PPP2CA: variants seen among roughly 807,000 people sequenced by gnomAD.
PPP2CA encodes the protein serine/threonine-protein phosphatase 2A catalytic subunit alpha isoform.
PPP2CA carries 5 observed loss-of-function variants against 38.8 expected under a neutral mutation model. That is an observed-to-expected ratio of 0.13 (90% CI 0.07 to 0.27). The LOEUF is 0.27. Ranked by LOEUF, PPP2CA falls within the 10% of genes least tolerant of loss-of-function variation. The pLI is 1.00. For synonymous variants in PPP2CA, 152 were observed against 134.0 expected (o/e 1.13, Z -0.93); for missense variants, 88 against 389.7 (o/e 0.23, Z 6.52).
chr5:134,209,647 G>A (rs539135545), intron 1 of PPP2CA, among the ~76,000 whole-genome samples: 3 of 152,202 alleles, frequency 2.0e-5, no homozygotes, highest in East Asian at 3.9e-4. Flanking sequence ...GTGTTGTGGT[G>A]TAGGCCCGTA....
Position 134,201,021 on chromosome 5 carries a change from G to T in PPP2CA, c.540C>A (p.Ile180=). 1 of 1,612,878 alleles carries T rather than the reference G, an allele frequency of 6.2e-7. No homozygotes were observed. The highest frequency in any genetic ancestry group is 1.1e-5 in the South Asian group (1 of 91,062). ...LSPSIDTLDH[I]RALDRLQEVP... ...CTTCTTGTAGGCGATCAAGTGCTCT[G>T]ATATGATCCAGTGTATCTATAGATG... Residue 180 remains isoleucine (I), a synonymous_variant, in exon 4 of 7, where the codon ATC becomes ATA. Transcript: ENST00000481195.
At chr5:134,224,366 C>G (rs1439236781) in intron 1 of PPP2CA, 1 of 445,334 alleles carries the variant, frequency 2.2e-6, no homozygotes, top group Non-Finnish European at 4.5e-6. Flanking sequence ...TAGTTTTGTT[C>G]AGGCTTGGGA....
At chr5:134,197,919 T>C in intron 6 of PPP2CA, 75 bp from the exon 7 acceptor site, 1 of 1,253,908 alleles carries the variant, frequency 8.0e-7, no homozygotes, top group South Asian at 1.2e-5. Flanking sequence ...AGAACATGAG[T>C]CTTCCAAACT....
At chr5:134,224,061 G>A (rs928543653) in intron 1 of PPP2CA, among the ~76,000 whole-genome samples, 7 of 152,162 alleles carry the variant, frequency 4.6e-5, no homozygotes, top group African/African-American at 1.7e-4. Context: ...TTCCAGTTAC[G>A]TCATTACCTC....
At chr5:134,201,724 C>T (rs1354068435) in intron 3 of PPP2CA, 124 bp downstream of exon 3, 26 of 1,057,906 alleles carry the variant, frequency 2.5e-5, no homozygotes, top group Non-Finnish European at 3.4e-5. Context: ...TGAATGAATG[C>T]TATCAATATC....
At chr5:134,218,642 T>C (rs1561742994) in intron 1 of PPP2CA, among the ~76,000 whole-genome samples, 2 of 151,742 alleles carry the variant, frequency 1.3e-5, no homozygotes, top group African/African-American at 2.4e-5. Context: ...CTGTGTAAGA[T>C]GAATTAGTCT....
chr5:134,216,867 T>C (rs1318375109), intron 1 of PPP2CA, among the ~76,000 whole-genome samples: 3 of 152,208 alleles, frequency 2.0e-5, no homozygotes, highest in Non-Finnish European at 2.9e-5. Context: ...AGGCCTAACC[T>C]GTCTTCTCTG....
At chr5:134,225,370 C>A (rs3797624) in intron 1 of PPP2CA, 140,951 of 182,764 alleles carry the variant, frequency 0.77, 55,001 homozygotes, top group Non-Finnish European at 0.82. Flanking sequence ...GTACCAGCGG[C>A]AAGACTCTTA....
intron 2 of PPP2CA, chr5:134,203,554 T>A (rs1762011885): frequency 6.6e-6 from 1 of 152,246 alleles, no homozygotes; most frequent in Admixed American, 6.5e-5. Flanking sequence ...TCCCCATCTG[T>A]GTCCTAATCT....
chr5:134,198,285 C>T (rs905035125), intron 6 of PPP2CA, among the ~76,000 whole-genome samples: 1 of 151,330 alleles, frequency 6.6e-6, no homozygotes, highest in Admixed American at 6.6e-5. Flanking sequence ...CCCAGCTACT[C>T]GGGAGGCTGA....
At chr5:134,200,213 A>C in intron 5 of PPP2CA, 122 bp downstream of exon 5, 1 of 1,134,944 alleles carries the variant, frequency 8.8e-7, no homozygotes, top group Admixed American at 3.1e-5. Flanking sequence ...GGCTATAATG[A>C]TAAACTCATC....
intron 1 of PPP2CA, among the ~76,000 whole-genome samples, chr5:134,213,343 C>A (rs1483062088): frequency 6.6e-6 from 1 of 151,880 alleles, no homozygotes; most frequent in East Asian, 1.9e-4. Context: ...ACAACAAAGC[C>A]TGGATGACAG....
rs1761856888 is a variant in PPP2CA at position 134,196,594 on chromosome 5, T to TATGACTCAACAATGTACAAAGATTTAAG, written c.*1150_*1177dup. ...TGAGACAAATTTAACTCTAAGAACA[T>TATGACTCAACAATGTACAAAGATTTAAG]ATGACTCAACAATGTACAAAGATTT... On this transcript the variant is annotated 3_prime_UTR_variant, in exon 7 of 7. Transcript: ENST00000481195. 3 of 152,334 alleles carry TATGACTCAACAATGTACAAAGATTTAAG rather than the reference T, an allele frequency of 2.0e-5. No individual in the cohort carries two copies. The South Asian group carries it at 6.2e-4, about 32-fold the overall frequency. 9.4% of individuals were successfully genotyped at this position (152,334 alleles called of 1,614,324 possible).
chr5:134,211,009 G>C (rs1762192866), intron 1 of PPP2CA, among the ~76,000 whole-genome samples: 1 of 152,142 alleles, frequency 6.6e-6, no homozygotes, highest in African/African-American at 2.4e-5. Context: ...ACAAGTAACT[G>C]TGGGAAGTTA....
At chr5:134,206,178 A>G (rs1318049274) in intron 1 of PPP2CA, 47 bp from the exon 2 acceptor site, 1 of 1,497,694 alleles carries the variant, frequency 6.7e-7, no homozygotes, top group East Asian at 2.3e-5. Flanking sequence ...GCATTAAACA[A>G]TATTAACAAA....
chr5:134,224,961 T>C (rs565089724), intron 1 of PPP2CA, among the ~76,000 whole-genome samples: 1 of 152,372 alleles, frequency 6.6e-6, no homozygotes, highest in South Asian at 2.1e-4. Flanking sequence ...ATGTTGTTCA[T>C]TTTAAAAATA....
chr5:134,198,786 G>A (rs145536794), intron 6 of PPP2CA, among the ~76,000 whole-genome samples: 1 of 152,066 alleles, frequency 6.6e-6, no homozygotes, highest in Admixed American at 6.5e-5. Flanking sequence ...GGCTTGTCTC[G>A]AACTCCTGAT....
chr5:134,197,445 T>G lies in PPP2CA; in HGVS notation c.*327A>C. ...AGCTATAGCTAAATGGAAGTTAAAT[T>G]GTATTCACGAGGTGTTAATGTTTAC... On this transcript the variant is annotated 3_prime_UTR_variant, in exon 7 of 7. Coordinates refer to ENST00000481195, the MANE Select transcript of PPP2CA (RefSeq NM_002715.4). The G allele has an allele frequency of 3.9e-6, 1 of 258,668 alleles. No homozygotes were observed. The highest frequency in any genetic ancestry group is 9.6e-5 in the South Asian group (1 of 10,452). 16.0% of individuals were successfully genotyped at this position (258,668 alleles called of 1,614,324 possible).
At chr5:134,216,655 C>G (rs1020267467) in intron 1 of PPP2CA, among the ~76,000 whole-genome samples, 7 of 150,632 alleles carry the variant, frequency 4.6e-5, no homozygotes, top group Admixed American at 4.6e-4. Context: ...ATGATTTATA[C>G]TTAACTAAAG....
Sources: gnomAD v4.1 joint callset for allele counts (sites outside exome capture counted in the v4.1 genomes callset) on GRCh38, gnomAD v4.1.1 for gene constraint, MANE v1.5 for transcripts, NCBI Gene and HGNC (gene_info 2026-07-23, HGNC 2026-07-21) for gene names.